RGS10: variants seen among roughly 807,000 people sequenced by gnomAD.
RGS10 encodes the protein regulator of G protein signaling 10, also known as regulator of G-protein signalling 10.
RGS10 carries 11 observed loss-of-function variants against 23.5 expected under a neutral mutation model. The ratio of observed to expected loss-of-function variants is 0.47; its 90% CI spans 0.29 to 0.77. The LOEUF (loss-of-function observed/expected upper bound fraction) is 0.77, where lower values mean the gene tolerates loss of function less well. RGS10 is among the 30% of genes least tolerant of loss of function. The pLI is 0.08. For missense variants in RGS10, 180 were observed against 226.3 expected, an observed-to-expected ratio of 0.80 and a Z score of 1.31; for synonymous variants, 77 against 83.2, an observed-to-expected ratio of 0.92 and a Z score of 0.41.
At chr10:119,510,416 G>A (rs1301314684) in intron 4 of RGS10, among the ~76,000 whole-genome samples, 3 of 152,040 alleles carry the variant, frequency 2.0e-5, no homozygotes, top group Non-Finnish European at 4.4e-5. Context: ...TCCAGATCCC[G>A]CTTGCCATTC....
intron 1 of RGS10, among the ~76,000 whole-genome samples, chr10:119,540,558 C>T (rs1844426528): frequency 2.0e-5 from 3 of 152,150 alleles, no homozygotes; most frequent in African/African-American, 2.4e-5. Flanking sequence ...GGCCTGAGAC[C>T]GACCTTTCTG....
rs961900058 is a variant in RGS10, at chr10:119,524,246, G to A, written c.255+1786C>T. Among the ~76,000 whole-genome samples, 2 of 152,190 alleles carry A rather than the reference G, an allele frequency of 1.3e-5. No individual in the cohort carries two copies. The highest frequency in any genetic ancestry group is 2.9e-5 in the Non-Finnish European group (2 of 68,046). ...CTTCCTGTTCAGTGCTGGGCACCAA[G>A]CAGGCACTTCACAAAGATTTGGGGA... On this transcript the variant is annotated intron_variant, in intron 3 of 4. Transcript: ENST00000369103. The surrounding 1 kb of genome is among the most constrained non-coding windows in gnomAD (Gnocchi z 5.2).
At position 119,533,567 on chromosome 10, in the gene RGS10, G is replaced by T. The variant is rs1251683434; in HGVS notation, c.50-6143C>A. ...CCCAGCTGCCCAACTTCTGGTACCT[G>T]GATCCACAAAGTTGCAATATTCTTC... On this transcript the variant is annotated intron_variant, in intron 1 of 4. Coordinates refer to ENST00000369103, the MANE Select transcript of RGS10 (RefSeq NM_001005339.2). 2.6e-5 allele frequency among the ~76,000 whole-genome samples: 4 copies of T among 152,246 alleles called. No homozygotes were observed. The East Asian group carries it at 7.7e-4, about 29-fold the overall frequency.
At chr10:119,530,378 G>C (rs1260603928) in intron 1 of RGS10, among the ~76,000 whole-genome samples, 1 of 152,168 alleles carries the variant, frequency 6.6e-6, no homozygotes, top group Non-Finnish European at 1.5e-5. Flanking sequence ...ACATTCACCA[G>C]ATGACATGAG....
intron 1 of RGS10, among the ~76,000 whole-genome samples, chr10:119,529,053 G>A (rs533114992): frequency 6.6e-6 from 1 of 152,256 alleles, no homozygotes; most frequent in African/African-American, 2.4e-5. Context: ...CCACTTGCCT[G>A]TAGGAGGAGG....
chr10:119,501,833 C>T (rs534751882), intron 4 of RGS10, among the ~76,000 whole-genome samples: 19 of 152,280 alleles, frequency 1.2e-4, no homozygotes, highest in South Asian at 2.1e-4. Flanking sequence ...GGAACTGGAA[C>T]CCTCAAATTT....
intron 1 of RGS10, among the ~76,000 whole-genome samples, chr10:119,530,980 A>C (rs527357006): frequency 6.6e-6 from 1 of 152,356 alleles, no homozygotes; most frequent in East Asian, 1.9e-4. Context: ...AATGGAGCTG[A>C]TGCTTTTCTA....
At chr10:119,522,576 G>C (rs1021829475) in intron 3 of RGS10, among the ~76,000 whole-genome samples, 1 of 152,080 alleles carries the variant, frequency 6.6e-6, no homozygotes, top group Non-Finnish European at 1.5e-5. Context: ...AAATTAGCTG[G>C]GCATGGTGGC....
At chr10:119,530,540 C>A (rs1400246425) in intron 1 of RGS10, among the ~76,000 whole-genome samples, 1 of 152,068 alleles carries the variant, frequency 6.6e-6, no homozygotes, top group Non-Finnish European at 1.5e-5. Flanking sequence ...TATTTAAAAA[C>A]TAGGCTGGGC....
intron 4 of RGS10, among the ~76,000 whole-genome samples, chr10:119,500,919 A>G (rs907956218): frequency 4.6e-5 from 7 of 152,154 alleles, no homozygotes; most frequent in Non-Finnish European, 1.0e-4. Flanking sequence ...ACTCTAAGGT[A>G]TGTCAGGTGA....
chr10:119,534,300 TAAA>T (rs1844362536), intron 1 of RGS10, among the ~76,000 whole-genome samples: 2 of 92,286 alleles, frequency 2.2e-5, no homozygotes, highest in Non-Finnish European at 5.3e-5. Flanking sequence ...AATAAATAAA[TAAA>T]TAAAAAAGGC....
At chr10:119,509,836 T>C (rs1844056732) in intron 4 of RGS10, among the ~76,000 whole-genome samples, 1 of 152,012 alleles carries the variant, frequency 6.6e-6, no homozygotes, top group East Asian at 1.9e-4. Context: ...GCGGCAGGGC[T>C]GGACTAGAAT....
At position 119,542,650 on chromosome 10, in the gene RGS10, C is replaced by A. The variant is rs1844446622; in HGVS notation, c.-12G>T. ...GCGCGGTTGAACATCGCCGCGGGCG[C>A]CCGAGGAGGAAGAAGGAGCAGCCCG... On this transcript the variant is annotated 5_prime_UTR_variant, in exon 1 of 5. Transcript: ENST00000369103. The A allele has an allele frequency of 1.8e-5, 25 of 1,390,110 alleles. No homozygotes were observed. Among genetic ancestry groups the A allele is most frequent in the Non-Finnish European group, 2.3e-5 (25 of 1,070,276 alleles). 86.1% of individuals were successfully genotyped at this position (1,390,110 alleles called of 1,614,324 possible).
chr10:119,532,656 A>G (rs988253516), intron 1 of RGS10, among the ~76,000 whole-genome samples: 67 of 152,272 alleles, frequency 4.4e-4, no homozygotes, highest in African/African-American at 1.6e-3. Context: ...CCTGGCCAAC[A>G]TGGTGAAACC....
intron 4 of RGS10, among the ~76,000 whole-genome samples, chr10:119,506,498 C>T (rs1036557321): frequency 5.3e-5 from 8 of 152,248 alleles, no homozygotes; most frequent in Non-Finnish European, 8.8e-5. Context: ...CCCAAGCTCA[C>T]GGGTTCACGC....
intron 4 of RGS10, among the ~76,000 whole-genome samples, chr10:119,505,271 G>T (rs1457406747): frequency 1.3e-5 from 2 of 151,918 alleles, no homozygotes. Flanking sequence ...CCAACAAACG[G>T]CTGCTGGTGA....
chr10:119,522,986 G>A (rs1429453576), intron 3 of RGS10, among the ~76,000 whole-genome samples: 8 of 149,802 alleles, frequency 5.3e-5, no homozygotes, highest in South Asian at 2.1e-4. Context: ...AACTACAGGC[G>A]CACTCCATCA....
At chr10:119,532,940 T>C (rs1032450379) in intron 1 of RGS10, among the ~76,000 whole-genome samples, 1 of 149,722 alleles carries the variant, frequency 6.7e-6, no homozygotes, top group East Asian at 1.9e-4. Context: ...TTCAGGAGGC[T>C]GAGGTGGAAG....
At position 119,506,744 on chromosome 10, in the gene RGS10, A is replaced by T. The variant is rs575694079; in HGVS notation, c.400-6485T>A. Among the ~76,000 whole-genome samples the T allele has an allele frequency of 2.5e-4, 38 of 152,300 alleles. No individual in the cohort carries two copies. The South Asian group carries it at 7.5e-3, about 30-fold the overall frequency. ...TGAGACGGAGTCTCACTCTGTCGCC[A>T]GGCTGGAGTGCAGCGGCGCGATCTC... On this transcript the variant is annotated intron_variant, in intron 4 of 4. Coordinates refer to ENST00000369103, the MANE Select transcript of RGS10 (RefSeq NM_001005339.2).
Sources: allele counts gnomAD v4.1 joint callset (sites outside exome capture counted in the v4.1 genomes callset), GRCh38; gene constraint gnomAD v4.1.1; non-coding constraint Gnocchi (gnomAD v3.1); transcripts MANE v1.5; gene names NCBI Gene and HGNC (gene_info 2026-07-23, HGNC 2026-07-21).